Variants in UNC79 observed in about 807,000 individuals in gnomAD.
UNC79 encodes the protein protein unc-79 homolog.
A neutral mutation model predicts 283.1 loss-of-function variants in UNC79; 37 were observed. The ratio of observed to expected loss-of-function variants is 0.13; its 90% confidence interval spans 0.10 to 0.17. The LOEUF (loss-of-function observed/expected upper bound fraction) is 0.17, where lower values mean the gene tolerates loss of function less well. Among genes scored for constraint, UNC79 ranks in the 10% least tolerant of loss-of-function variants. The pLI is 1.00. For missense variants in UNC79, 2,272 were observed against 3,211.1 expected (o/e 0.71, Z 7.07); for synonymous variants, 1,107 against 1,200.2 (o/e 0.92, Z 1.61).
At chr14:93,433,489 C>T (rs1306409936) in intron 1 of UNC79, among the ~76,000 whole-genome samples, 2 of 152,052 alleles carry the variant, frequency 1.3e-5, no homozygotes, top group Non-Finnish European at 2.9e-5. Context: ...AGCATTTTAT[C>T]CTTGGACTTG....
chr14:93,592,172 CTTTTTTT>C (rs557283063), intron 22 of UNC79, among the ~76,000 whole-genome samples: 2 of 124,790 alleles, frequency 1.6e-5, no homozygotes, highest in Non-Finnish European at 3.3e-5. Context: ...ATAACTTTTC[CTTTTTTT>C]TTTTTTTTTT....
intron 1 of UNC79, among the ~76,000 whole-genome samples, chr14:93,422,598 T>TG (rs934004939): frequency 2.6e-5 from 4 of 151,964 alleles, no homozygotes; most frequent in African/African-American, 7.3e-5. Flanking sequence ...TTCAGATGGT[T>TG]GGGGGGGCCT....
In UNC79 at chr14:93,688,564, G is replaced by T; in HGVS notation, c.6910-101G>T. ...TTAAGCAGGTTGTTTGCTCAGAGTG[G>T]CGATAAGCGGGGTGGAAATGACAAC... On this transcript the variant is annotated intron_variant, in intron 43 of 48. Coordinates refer to ENST00000555664, the Ensembl canonical transcript of UNC79. This position sits in a 1 kb window ranked among gnomAD's most constrained non-coding sequence, Gnocchi z 4.0. The T allele has an allele frequency of 1.5e-6, 2 of 1,346,436 alleles. No individual in the cohort carries two copies. Among genetic ancestry groups the T allele is most frequent in the Non-Finnish European group, 2.0e-6 (2 of 979,712 alleles). The allele number at this position is 1,346,436 out of a possible 1,614,324, so 83.4% of individuals were successfully genotyped here.
intron 42 of UNC79, among the ~76,000 whole-genome samples, chr14:93,682,943 T>C (rs1054880967): frequency 6.6e-6 from 1 of 152,244 alleles, no homozygotes; most frequent in Non-Finnish European, 1.5e-5. Context: ...GAGCCAGACA[T>C]AGTAAATGCT....
At chr14:93,662,545 AC>A (rs2071710652) in intron 39 of UNC79, 58 bp from the exon 43 acceptor site, 1 of 1,167,814 alleles carries the variant, frequency 8.6e-7, no homozygotes, top group Non-Finnish European at 1.2e-6. Flanking sequence ...AGATTTTAAT[AC>A]TTTTTTTGAA....
intron 1 of UNC79, chr14:93,347,366 C>G: frequency 6.4e-7 from 1 of 1,572,350 alleles, no homozygotes; most frequent in Non-Finnish European, 8.6e-7. Context: ...CACTCGGGGC[C>G]CCCGCGCCAG....
chr14:93,560,655 A>G (rs1292082119), intron 14 of UNC79, among the ~76,000 whole-genome samples: 1 of 152,076 alleles, frequency 6.6e-6, no homozygotes. Flanking sequence ...TCCCATTCGC[A>G]AATTGAATTT....
chr14:93,400,862 C>A (rs2055094471), intron 1 of UNC79, among the ~76,000 whole-genome samples: 1 of 152,064 alleles, frequency 6.6e-6, no homozygotes, highest in African/African-American at 2.4e-5. Flanking sequence ...GAAATGAATT[C>A]AGGGATGATT....
At chr14:93,335,958 T>C (rs535857389) in intron 1 of UNC79, among the ~76,000 whole-genome samples, 30 of 152,308 alleles carry the variant, frequency 2.0e-4, no homozygotes, top group African/African-American at 6.5e-4. Flanking sequence ...CTTTCTCCAC[T>C]CCCTCCATCA....
exon 4 of UNC79, chr14:93,477,573 T>C: frequency 6.2e-7 from 1 of 1,603,190 alleles, no homozygotes; most frequent in East Asian, 2.2e-5. Flanking sequence ...GGACAGTCGA[T>C]ATTTTATACA....
intron 16 of UNC79, among the ~76,000 whole-genome samples, 170 bp downstream of exon 16, chr14:93,572,986 T>C (rs2063292251): frequency 6.6e-6 from 1 of 152,238 alleles, no homozygotes; most frequent in African/African-American, 2.4e-5. Context: ...AAATATATGT[T>C]GCTCTAGTTG....
chr14:93,618,336 T>A, exon 29 of UNC79: 4 of 1,611,904 alleles, frequency 2.5e-6, no homozygotes, highest in Non-Finnish European at 3.4e-6. Flanking sequence ...CATAAGCAGA[T>A]ACAGCGAAAA....
intron 25 of UNC79, 92 bp from the exon 26 acceptor site, chr14:93,603,147 G>A (rs2065635129): frequency 1.4e-6 from 2 of 1,405,708 alleles, no homozygotes; most frequent in East Asian, 2.3e-5. Flanking sequence ...TTTTAATATT[G>A]AAACTCTACA....
In UNC79 at chr14:93,668,279, C is replaced by T. The variant is rs199523655; in HGVS notation, c.6637-5072C>T. Among the ~76,000 whole-genome samples the T allele has an allele frequency of 7.2e-5, 11 of 152,248 alleles. No individual in the cohort carries two copies. The East Asian group carries it at 2.1e-3, about 29-fold the overall frequency. On this transcript the variant is annotated intron_variant, in intron 40 of 48. Transcript: ENST00000555664. ...GGAATCTATAGACAGCTTTTTAGAA[C>T]CTACAAGAGAGCTCAGCAAGGATGC...
intron 1 of UNC79, among the ~76,000 whole-genome samples, chr14:93,379,356 G>A (rs1402414581): frequency 6.6e-6 from 1 of 152,170 alleles, no homozygotes; most frequent in East Asian, 1.9e-4. Context: ...GTCATCATCT[G>A]TAATTAAGCA....
chr14:93,483,668 G>T (rs1198214708), intron 4 of UNC79, among the ~76,000 whole-genome samples: 3 of 151,506 alleles, frequency 2.0e-5, no homozygotes, highest in Non-Finnish European at 4.4e-5. Flanking sequence ...ATCACCTAAT[G>T]CTATCCCTCC....
At chr14:93,511,446 A>G (rs941616240) in intron 7 of UNC79, among the ~76,000 whole-genome samples, 1 of 151,596 alleles carries the variant, frequency 6.6e-6, no homozygotes, top group Non-Finnish European at 1.5e-5. Flanking sequence ...TATTTTTTAT[A>G]TTTATTTATT....
chr14:93,671,527 C>T (rs906400223), intron 40 of UNC79, among the ~76,000 whole-genome samples: 1 of 152,106 alleles, frequency 6.6e-6, no homozygotes, highest in Non-Finnish European at 1.5e-5. Flanking sequence ...AATCCCAGCA[C>T]TTTCGGAGGC....
intron 27 of UNC79, among the ~76,000 whole-genome samples, chr14:93,615,102 T>C (rs1447213781): frequency 6.6e-6 from 1 of 152,180 alleles, no homozygotes; most frequent in Non-Finnish European, 1.5e-5. Context: ...GCTTAGGCAC[T>C]CTCTGCTTGC....
Sources: allele counts gnomAD v4.1 joint callset (sites outside exome capture counted in the v4.1 genomes callset), GRCh38; gene constraint gnomAD v4.1.1; non-coding constraint Gnocchi (gnomAD v3.1); transcripts MANE v1.5; gene names NCBI Gene and HGNC (gene_info 2026-07-23, HGNC 2026-07-21).